Variants in RSPO2 observed in about 807,000 individuals in gnomAD.
The protein encoded by RSPO2 is R-spondin 2.
Under a neutral mutation model 30.9 loss-of-function variants are expected in RSPO2, and 14 were observed. The ratio of observed to expected loss-of-function variants is 0.45; its 90% confidence interval spans 0.30 to 0.71. The LOEUF (loss-of-function observed/expected upper bound fraction) is 0.71, where lower values mean the gene tolerates loss of function less well. Among genes scored for constraint, RSPO2 ranks in the 30% least tolerant of loss-of-function variants. The pLI is 0.08. For synonymous variants in RSPO2, 107 were observed against 96.4 expected, an observed-to-expected ratio of 1.11 and a Z score of -0.64; for missense variants, 264 against 301.9, an observed-to-expected ratio of 0.87 and a Z score of 0.93.
Position 107,960,793 on chromosome 8 carries a change from G to A in RSPO2, c.308C>T (p.Ser103Phe). The change falls in exon 4 of 6, where the codon TCT (serine) becomes TTT (phenylalanine). Residue 103 changes from serine to phenylalanine, a missense_variant. Coordinates refer to ENST00000276659, the MANE Select transcript of RSPO2 (RefSeq NM_178565.5). ...GGTACAAAAGTCTTTGCTAAAGCAA[G>A]AATCACAGTTTTCTATTCTGCATCC... ...CARCRIENCD[S>F]CFSKDFCTKC... 6.2e-7 allele frequency: 1 copy of A among 1,605,578 alleles called. No homozygotes were observed. Among genetic ancestry groups the A allele is most frequent in the Non-Finnish European group, 8.5e-7 (1 of 1,177,586 alleles).
intron 5 of RSPO2, among the ~76,000 whole-genome samples, chr8:107,932,827 G>A (rs539478352): frequency 4.6e-5 from 7 of 152,174 alleles, no homozygotes; most frequent in African/African-American, 7.2e-5. Flanking sequence ...CAAGGTAACC[G>A]ATCATTAAGC....
Position 107,906,570 on chromosome 8 carries a change from T to C in RSPO2, c.617-5380A>G, listed in dbSNP as rs545157526. On this transcript the variant is annotated intron_variant, in intron 5 of 5. Transcript: ENST00000276659. The stretch of plus-strand genomic sequence containing the variant: ...TCTTTTGCAGAGTCATCACTTGTAA[T>C]TAGATCTGAAATATAAAAGCTTAAA... Among the ~76,000 whole-genome samples the C allele has an allele frequency of 4.6e-5, 7 of 151,974 alleles. No individual in the cohort carries two copies. The South Asian group carries it at 1.2e-3, about 27-fold the overall frequency.
At chr8:108,024,807 T>C (rs1811156993) in intron 2 of RSPO2, among the ~76,000 whole-genome samples, 2 of 152,028 alleles carry the variant, frequency 1.3e-5, no homozygotes, top group Non-Finnish European at 2.9e-5. Flanking sequence ...ATTACTTGAG[T>C]CTGAAAGTTT....
intron 2 of RSPO2, among the ~76,000 whole-genome samples, chr8:108,077,406 G>A (rs1484114284): frequency 6.6e-6 from 1 of 152,102 alleles, no homozygotes; most frequent in Non-Finnish European, 1.5e-5. Context: ...GGGTCCTAGA[G>A]GAGAGAAGAA....
intron 5 of RSPO2, among the ~76,000 whole-genome samples, chr8:107,952,411 C>T (rs990081288): frequency 1.2e-4 from 19 of 152,014 alleles, no homozygotes; most frequent in Admixed American, 9.8e-4. Flanking sequence ...ATTTCTCAGA[C>T]AGACATTATA....
chr8:107,952,343 G>A (rs112772697), intron 5 of RSPO2, among the ~76,000 whole-genome samples: 25 of 151,302 alleles, frequency 1.7e-4, no homozygotes, highest in South Asian at 6.2e-4. Context: ...CCATGTAGCC[G>A]GAGTACCTGG....
At chr8:108,005,732 A>C (rs1471799841) in intron 2 of RSPO2, among the ~76,000 whole-genome samples, 1 of 152,120 alleles carries the variant, frequency 6.6e-6, no homozygotes, top group Non-Finnish European at 1.5e-5. Context: ...GAGGAGATGC[A>C]ATTTATCCTG....
chr8:108,077,783 C>G (rs899789394), intron 2 of RSPO2, among the ~76,000 whole-genome samples: 30 of 152,172 alleles, frequency 2.0e-4, no homozygotes, highest in African/African-American at 6.7e-4. Context: ...CTGTCTTCAC[C>G]TGATCAGCCC....
At chr8:108,060,576 A>G (rs1175493209) in intron 2 of RSPO2, among the ~76,000 whole-genome samples, 1 of 151,846 alleles carries the variant, frequency 6.6e-6, no homozygotes, top group African/African-American at 2.4e-5. Context: ...CCTGAAAGTG[A>G]TGGGGAGAAT....
chr8:107,963,630 C>T (rs1002454537), intron 3 of RSPO2, among the ~76,000 whole-genome samples: 10 of 147,026 alleles, frequency 6.8e-5, no homozygotes, highest in Admixed American at 3.5e-4. Context: ...AAGTAGCTTA[C>T]GGAAGTTAAT....
At chr8:108,002,750 T>C (rs116407682) in intron 2 of RSPO2, among the ~76,000 whole-genome samples, 1,572 of 152,290 alleles carry the variant, frequency 0.01, 28 homozygotes, top group African/African-American at 0.035. Context: ...CTCCATGTGT[T>C]TTAAATGTGG....
In RSPO2 at chr8:107,958,284, A is replaced by T. The variant is rs781508079; in HGVS notation, c.428-16T>A. ...TCACATCCTTCTAGTAAAGATTTTTAGAAAAAGAAAAAAAAACACAAGCAC... is the reference window on the plus strand; with the variant it reads ...TCACATCCTTCTAGTAAAGATTTTTTGAAAAAGAAAAAAAAACACAAGCAC... On this transcript the variant is annotated splice_polypyrimidine_tract_variant and intron_variant, in intron 4 of 5. Transcript: ENST00000276659. 1 of 1,589,348 alleles carries T rather than the reference A, an allele frequency of 6.3e-7. No homozygotes were observed. Among genetic ancestry groups the T allele is most frequent in the African/African-American group, 1.4e-5 (1 of 73,716 alleles).
At chr8:107,903,464 A>G (rs1204499684) in intron 5 of RSPO2, among the ~76,000 whole-genome samples, 1 of 152,096 alleles carries the variant, frequency 6.6e-6, no homozygotes, top group African/African-American at 2.4e-5. Context: ...ATTTCGTTTC[A>G]TTTACCCAAT....
intron 2 of RSPO2, among the ~76,000 whole-genome samples, chr8:108,046,732 C>T (rs1013628624): frequency 6.6e-6 from 1 of 152,098 alleles, no homozygotes; most frequent in African/African-American, 2.4e-5. Flanking sequence ...TCAGGGTATG[C>T]AATTTTGCCA....
chr8:107,992,058 C>A (rs1259031290), intron 2 of RSPO2, among the ~76,000 whole-genome samples: 2 of 152,010 alleles, frequency 1.3e-5, no homozygotes, highest in African/African-American at 4.8e-5. Flanking sequence ...GAATATAAAT[C>A]CTTCTATTAT....
In RSPO2 at chr8:107,958,068, A is replaced by T. The variant is rs1586578150; in HGVS notation, c.616+12T>A. On this transcript the variant is annotated intron_variant, in intron 5 of 5. Transcript: ENST00000276659. ...GCACACAGCACACAGTAGTGATTAT[A>T]TCCACACCTACCTCCTGGACAATGC... The T allele has an allele frequency of 6.2e-7, 1 of 1,602,862 alleles. No individual in the cohort carries two copies. The highest frequency in any genetic ancestry group is 2.2e-5 in the East Asian group (1 of 44,810).
intron 2 of RSPO2, among the ~76,000 whole-genome samples, chr8:108,057,653 T>C (rs1043213809): frequency 1.3e-5 from 2 of 152,122 alleles, no homozygotes; most frequent in Non-Finnish European, 2.9e-5. Context: ...TGGATACAGA[T>C]CATTTATTTT....
At chr8:107,904,867 A>G (rs190833804) in intron 5 of RSPO2, among the ~76,000 whole-genome samples, 5 of 152,138 alleles carry the variant, frequency 3.3e-5, no homozygotes, top group African/African-American at 1.2e-4. Context: ...TTAGAAAGAT[A>G]CTATCAAAGC....
intron 2 of RSPO2, among the ~76,000 whole-genome samples, chr8:108,003,263 GTGTGTGTGTGTGTGT>G (rs1815312680): frequency 1.1e-5 from 1 of 88,732 alleles, no homozygotes; most frequent in African/African-American, 5.1e-5. Flanking sequence ...GTGTGTGTGT[GTGTGTGTGTGTGTGT>G]ATATATATAT....
Sources: gnomAD v4.1 joint callset for allele counts (sites outside exome capture counted in the v4.1 genomes callset) on GRCh38, gnomAD v4.1.1 for gene constraint, MANE v1.5 for transcripts, NCBI Gene and HGNC (gene_info 2026-07-23, HGNC 2026-07-21) for gene names.